PLA2G4C: variants seen among roughly 807,000 people sequenced by gnomAD.
PLA2G4C encodes phospholipase A2 group IVC, also known as cytosolic phospholipase A2 gamma.
Under a neutral mutation model 73.8 loss-of-function variants are expected in PLA2G4C, and 64 were observed. That is an observed-to-expected ratio of 0.87 (90% CI 0.71 to 1.07). PLA2G4C has a LOEUF of 1.07. PLA2G4C is among the 50% of genes least tolerant of loss of function. The pLI is 0.00. For synonymous variants in PLA2G4C, 254 were observed against 252.1 expected, an observed-to-expected ratio of 1.01 and a Z score of -0.07; for missense variants, 622 against 665.4, an observed-to-expected ratio of 0.93 and a Z score of 0.72.
intron 13 of PLA2G4C, chr19:48,064,969 A>G (rs1968353120): frequency 6.6e-6 from 1 of 152,224 alleles, no homozygotes; most frequent in Non-Finnish European, 1.5e-5. Context: ...ATTTTGTCAC[A>G]GCAGCCTGAG....
chr19:48,047,911 GGAGA>G lies in PLA2G4C; in HGVS notation c.*428_*431del, dbSNP rs573048365. The G allele has an allele frequency of 2.1e-5, 4 of 189,808 alleles. No individual in the cohort carries two copies. The South Asian group carries it at 4.4e-4, about 21-fold the overall frequency. 11.8% of individuals were successfully genotyped at this position (189,808 alleles called of 1,614,324 possible). Reference sequence around the variant, plus strand: ...TATTCTCAGAGCTCCACTTGGCTGTGGAGAGATAGCCCATGATTTAAGCCCAAGT... The same window carrying G: ...TATTCTCAGAGCTCCACTTGGCTGTGGATAGCCCATGATTTAAGCCCAAGT... On this transcript the variant is annotated 3_prime_UTR_variant, in exon 17 of 17. Transcript: ENST00000599921.
At chr19:48,065,897 C>T (rs367787674) in intron 13 of PLA2G4C, among the ~76,000 whole-genome samples, 3 of 151,874 alleles carry the variant, frequency 2.0e-5, no homozygotes, top group East Asian at 3.9e-4. Flanking sequence ...AGTTTGAGAC[C>T]AGCCTGACCA....
rs566864276 is a variant in PLA2G4C at position 48,091,373 on chromosome 19, A to G, written c.710-956T>C. Among the ~76,000 whole-genome samples the G allele has an allele frequency of 1.4e-4, 22 of 152,144 alleles. No individual in the cohort carries two copies. The East Asian group carries it at 4.1e-3, about 28-fold the overall frequency. ...GCTAATTTTTGTATTTTTTAAGTAG[A>G]GACGGGGTTTCACCATGTTGGCCCG... is the stretch of plus-strand genomic sequence containing the variant. On this transcript the variant is annotated intron_variant, in intron 7 of 16. Coordinates refer to ENST00000599921, the MANE Select transcript of PLA2G4C (RefSeq NM_003706.3).
rs755040091 is a variant in PLA2G4C, at chr19:48,067,883, G to A, written c.1010C>T (p.Ser337Leu). The change falls in exon 13 of 17, where the codon TCA becomes TTA. Residue 337 changes from serine (S) to leucine (L), a missense_variant. Transcript: ENST00000599921. ...QPHEDPERKG[S>L]LSNLMDFVKK... Reference sequence around the variant, plus strand: ...CACAAAATCCATCAAGTTACTGAGTGAGCCTAGGGAAAGAAGCCGAGACAG... The same window carrying A: ...CACAAAATCCATCAAGTTACTGAGTAAGCCTAGGGAAAGAAGCCGAGACAG... 1 of 1,611,720 alleles carries A rather than the reference G, an allele frequency of 6.2e-7. No individual in the cohort carries two copies. Among genetic ancestry groups the A allele is most frequent in the East Asian group, 2.2e-5 (1 of 44,862 alleles).
At chr19:48,071,646 C>T (rs1003589356) in intron 12 of PLA2G4C, among the ~76,000 whole-genome samples, 1 of 151,312 alleles carries the variant, frequency 6.6e-6, no homozygotes, top group Non-Finnish European at 1.5e-5. Context: ...GGTCTCACTA[C>T]GTTGCCCAGG....
chr19:48,057,565 T>C (rs370033155), intron 14 of PLA2G4C, among the ~76,000 whole-genome samples: 6,161 of 132,326 alleles, frequency 0.047, 211 homozygotes, highest in African/African-American at 0.082. Flanking sequence ...TCTTGGCTCA[T>C]TGCAACCTCC....
chr19:48,106,028 G>A (rs1196299020), intron 2 of PLA2G4C, among the ~76,000 whole-genome samples: 2 of 129,730 alleles, frequency 1.5e-5, no homozygotes, highest in South Asian at 2.6e-4. Context: ...ACAGAGTCTC[G>A]CTCTGTTGCC....
intron 2 of PLA2G4C, 81 bp from the exon 3 acceptor site, chr19:48,105,525 C>T: frequency 9.0e-7 from 1 of 1,111,926 alleles, no homozygotes; most frequent in Non-Finnish European, 1.3e-6. Context: ...TAGAACTGGG[C>T]TGTCCAAGCA....
chr19:48,095,862 C>T (rs2031541618), intron 6 of PLA2G4C, among the ~76,000 whole-genome samples: 1 of 152,196 alleles, frequency 6.6e-6, no homozygotes, highest in South Asian at 2.1e-4. Context: ...CCTCTCTCTT[C>T]CATCTCATTG....
chr19:48,062,046 C>T lies in PLA2G4C; in HGVS notation c.1209G>A (p.Glu403=), dbSNP rs761021795. The T allele has an allele frequency of 1.1e-4, 177 of 1,613,940 alleles. No homozygotes were observed. In the Middle Eastern group the frequency reaches 2.8e-3, roughly 26 times the overall value. ...PFPLVLPPTR[E]VHLILSFDFS... is the part of the protein sequence containing the mutation. ...AGTCGAAGGAGAGGATGAGGTGAAC[C>T]TCCCGCGTCGGGGGCAGCACGAGTG... The change falls in exon 14 of 17, where the codon GAG becomes GAA. Residue 403 remains glutamate (E), a synonymous_variant. Transcript: ENST00000599921.
chr19:48,062,989 G>T (rs1364575978), intron 13 of PLA2G4C, among the ~76,000 whole-genome samples: 1 of 152,100 alleles, frequency 6.6e-6, no homozygotes, highest in Admixed American at 6.6e-5. Flanking sequence ...TGGAAAGGTG[G>T]GACAACTCAA....
chr19:48,079,346 G>C (rs904840059), intron 10 of PLA2G4C, among the ~76,000 whole-genome samples: 1 of 152,150 alleles, frequency 6.6e-6, no homozygotes, highest in African/African-American at 2.4e-5. Flanking sequence ...GAACAGAATA[G>C]AGAGCCCAGA....
At chr19:48,058,750 G>A (rs1421032331) in intron 14 of PLA2G4C, among the ~76,000 whole-genome samples, 17 of 151,266 alleles carry the variant, frequency 1.1e-4, no homozygotes, top group Non-Finnish European at 2.1e-4. Context: ...CCCGGGAGGC[G>A]AAGGTTGCAG....
At position 48,079,886 on chromosome 19, in the gene PLA2G4C, G is replaced by A. The variant is rs144082591; in HGVS notation, c.845-2062C>T. On this transcript the variant is annotated intron_variant, in intron 10 of 16. Coordinates refer to ENST00000599921, the MANE Select transcript of PLA2G4C (RefSeq NM_003706.3). ...TGAGGCAGGAGAATTGCTTGAGTCT[G>A]GGAGGCGGAGATTGCAGTGAGCCGA... Among the ~76,000 whole-genome samples the A allele has an allele frequency of 1.9e-3, 293 of 152,308 alleles. 1 individual carries two copies. The highest frequency in any genetic ancestry group is 5.6e-3 in the African/African-American group (232 of 41,566).
chr19:48,090,208 C>G lies in PLA2G4C; in HGVS notation c.763+156G>C, dbSNP rs2031218068. 6.2e-6 allele frequency: 4 copies of G among 645,344 alleles called. No individual in the cohort carries two copies. The Admixed American group carries it at 1.0e-4, about 17-fold the overall frequency. 40.0% of individuals were successfully genotyped at this position (645,344 alleles called of 1,614,324 possible). A position where few individuals can be genotyped will look rare whatever the true frequency, so the allele number is the denominator to read the frequency against. On this transcript the variant is annotated intron_variant, in intron 8 of 16. Coordinates refer to ENST00000599921, the MANE Select transcript of PLA2G4C (RefSeq NM_003706.3). The stretch of plus-strand genomic sequence containing the variant: ...TACTCTCATCCACTCTGTGGTCATC[C>G]TGGCTGCCCAATTATATGAGAATAA...
intron 16 of PLA2G4C, 25 bp downstream of exon 16, chr19:48,052,972 A>G: frequency 6.3e-7 from 1 of 1,586,734 alleles, no homozygotes. Flanking sequence ...CATAGGCATC[A>G]GAGCGACTAT....
intron 7 of PLA2G4C, among the ~76,000 whole-genome samples, chr19:48,094,146 T>C (rs930749582): frequency 1.3e-5 from 2 of 152,336 alleles, no homozygotes; most frequent in Non-Finnish European, 1.5e-5. Flanking sequence ...GATATCTGCA[T>C]GGCTTCACTT....
intron 10 of PLA2G4C, among the ~76,000 whole-genome samples, chr19:48,081,404 G>A (rs2030553488): frequency 6.6e-6 from 1 of 152,186 alleles, no homozygotes; most frequent in Non-Finnish European, 1.5e-5. Flanking sequence ...AAGGCATACA[G>A]AGTGGCATAA....
Position 48,085,041 on chromosome 19 carries a change from T to G in PLA2G4C, c.844+18A>C. The G allele has an allele frequency of 6.3e-7, 1 of 1,586,890 alleles. No individual in the cohort carries two copies. The highest frequency in any genetic ancestry group is 8.7e-7 in the Non-Finnish European group (1 of 1,155,292). On this transcript the variant is annotated intron_variant, in intron 10 of 16. Transcript: ENST00000599921. Reference sequence around the variant, plus strand: ...AAATATCTCTAGGCTTTGACCTTTCTGTTCCCCAAATACTCACCAAAAATA... The same window carrying G: ...AAATATCTCTAGGCTTTGACCTTTCGGTTCCCCAAATACTCACCAAAAATA...
Sources: gnomAD v4.1 joint callset for allele counts (sites outside exome capture counted in the v4.1 genomes callset) on GRCh38, gnomAD v4.1.1 for gene constraint, MANE v1.5 for transcripts, NCBI Gene and HGNC (gene_info 2026-07-23, HGNC 2026-07-21) for gene names.